The following KCNH7 variants were observed in gnomAD, a reference collection of about 807,000 sequenced individuals.
KCNH7 encodes the protein potassium voltage-gated channel subfamily H member 7.
A neutral mutation model predicts 120.8 loss-of-function variants in KCNH7; 49 were observed. The observed-to-expected ratio is 0.41, with a 90% confidence interval of 0.32 to 0.51. The LOEUF (loss-of-function observed/expected upper bound fraction) is 0.51. Ranked by LOEUF, KCNH7 falls within the 20% of genes least tolerant of loss-of-function variation. The pLI is 0.38. For missense variants in KCNH7, 1,097 were observed against 1,446.6 expected (o/e 0.76, Z 3.92); for synonymous variants, 547 against 516.1 (o/e 1.06, Z -0.81).
At chr2:162,448,813 C>T (rs1401470141) in intron 6 of KCNH7, among the ~76,000 whole-genome samples, 1 of 151,972 alleles carries the variant, frequency 6.6e-6, no homozygotes, top group African/African-American at 2.4e-5. Flanking sequence ...AAGACACTGT[C>T]CCTGAGATCT....
At chr2:162,663,996 A>G (rs1270606960) in intron 2 of KCNH7, among the ~76,000 whole-genome samples, 1 of 152,062 alleles carries the variant, frequency 6.6e-6, no homozygotes, top group East Asian at 1.9e-4. Context: ...TACCAACTCA[A>G]CTTTCTTTCC....
intron 2 of KCNH7, among the ~76,000 whole-genome samples, chr2:162,781,566 AAGT>A (rs1683487525): frequency 6.6e-6 from 1 of 152,160 alleles, no homozygotes. Flanking sequence ...AAAAAAATGA[AAGT>A]AGTAACAGGG....
chr2:162,401,156 C>T (rs977808141), intron 9 of KCNH7, among the ~76,000 whole-genome samples: 1 of 151,880 alleles, frequency 6.6e-6, no homozygotes, highest in African/African-American at 2.4e-5. Context: ...ACAACCTATT[C>T]AGGGCTAATT....
intron 2 of KCNH7, among the ~76,000 whole-genome samples, chr2:162,591,321 T>C (rs1694210124): frequency 6.6e-6 from 1 of 152,052 alleles, no homozygotes; most frequent in African/African-American, 2.4e-5. Context: ...TTCACATTTT[T>C]CTCCTCAGCG....
At chr2:162,607,369 G>A (rs1054640790) in intron 2 of KCNH7, among the ~76,000 whole-genome samples, 2 of 151,598 alleles carry the variant, frequency 1.3e-5, no homozygotes, top group African/African-American at 4.8e-5. Context: ...CAGCCTGGAC[G>A]ACAGGGTGAG....
At chr2:162,624,045 C>T (rs1266943483) in intron 2 of KCNH7, among the ~76,000 whole-genome samples, 1 of 152,126 alleles carries the variant, frequency 6.6e-6, no homozygotes, top group Non-Finnish European at 1.5e-5. Flanking sequence ...GTGAGTCATC[C>T]TTTTGTCCAG....
rs557030655 is a variant in KCNH7, at chr2:162,431,552, A to G, written c.1954+3646T>C. On this transcript the variant is annotated intron_variant, in intron 8 of 15. Transcript: ENST00000332142. ...TTCCTTATTTATGACATAATATGTC[A>G]TGGTGCAGTTCTCCAGGAGTACCTA... is the stretch of plus-strand genomic sequence containing the variant. Among the ~76,000 whole-genome samples, 26 of 152,058 alleles carry G rather than the reference A, an allele frequency of 1.7e-4. 1 individual carries two copies. In the East Asian group the frequency reaches 4.3e-3, roughly 25 times the overall value.
rs549614942 is a variant in KCNH7, at chr2:162,586,129, ATGCACAT to A, written c.308-49056_308-49050del. 1.1e-3 allele frequency among the ~76,000 whole-genome samples: 161 copies of A among 152,154 alleles called. 1 individual carries two copies. The highest frequency in any genetic ancestry group is 6.8e-3 in the Middle Eastern group (2 of 294). ...TGGCCATAAATTCTTCCATCTTTAT[ATGCACAT>A]TATAGGCCCATTTTCAATGTGACAT... On this transcript the variant is annotated intron_variant, in intron 2 of 15. Transcript: ENST00000332142.
chr2:162,460,436 A>G (rs966004196), intron 6 of KCNH7, among the ~76,000 whole-genome samples: 1 of 152,194 alleles, frequency 6.6e-6, no homozygotes, highest in Non-Finnish European at 1.5e-5. Flanking sequence ...AAGAAGGATG[A>G]TGACTTTTTA....
intron 2 of KCNH7, among the ~76,000 whole-genome samples, chr2:162,818,031 T>G (rs1425306102): frequency 6.6e-6 from 1 of 152,052 alleles, no homozygotes; most frequent in Admixed American, 6.5e-5. Flanking sequence ...GTTTTTATTT[T>G]CTTAATGGAA....
intron 2 of KCNH7, among the ~76,000 whole-genome samples, chr2:162,669,156 ATTATTTAGAT>A (rs1685249281): frequency 1.3e-5 from 2 of 152,286 alleles, no homozygotes; most frequent in South Asian, 4.1e-4. Context: ...AATTAAAGGG[ATTATTTAGAT>A]TTTTTTAGAT....
intron 13 of KCNH7, among the ~76,000 whole-genome samples, chr2:162,384,016 A>G (rs1333763563): frequency 6.6e-6 from 1 of 151,864 alleles, no homozygotes; most frequent in Non-Finnish European, 1.5e-5. Flanking sequence ...AGCCTCTGGT[A>G]TGCTAAAATA....
intron 2 of KCNH7, among the ~76,000 whole-genome samples, chr2:162,702,130 C>T (rs1000905264): frequency 6.6e-6 from 1 of 151,976 alleles, no homozygotes; most frequent in African/African-American, 2.4e-5. Flanking sequence ...TCAAAATATT[C>T]GGTCCTTTTA....
At chr2:162,709,551 T>C (rs1203833421) in intron 2 of KCNH7, among the ~76,000 whole-genome samples, 2 of 152,116 alleles carry the variant, frequency 1.3e-5, no homozygotes, top group Non-Finnish European at 2.9e-5. Context: ...CTATTTCTTA[T>C]CTATGTAGAA....
chr2:162,467,976 C>G (rs1295784009), intron 6 of KCNH7, among the ~76,000 whole-genome samples: 1 of 152,152 alleles, frequency 6.6e-6, no homozygotes, highest in Non-Finnish European at 1.5e-5. Context: ...CTAATTACCT[C>G]CCACAGGCTG....
At chr2:162,608,373 G>A (rs1419004585) in intron 2 of KCNH7, among the ~76,000 whole-genome samples, 1 of 152,170 alleles carries the variant, frequency 6.6e-6, no homozygotes, top group Non-Finnish European at 1.5e-5. Flanking sequence ...ACTCTGGGGT[G>A]TAACCTGGGC....
chr2:162,807,477 A>G (rs955219593), intron 2 of KCNH7, among the ~76,000 whole-genome samples: 6 of 151,744 alleles, frequency 4.0e-5, no homozygotes, highest in African/African-American at 1.2e-4. Context: ...AACTCTAAAA[A>G]TATTTACCTC....
intron 3 of KCNH7, among the ~76,000 whole-genome samples, chr2:162,519,729 A>C (rs1390340155): frequency 3.3e-5 from 5 of 151,830 alleles, no homozygotes; most frequent in Admixed American, 3.3e-4. Flanking sequence ...CTAGGTCCAC[A>C]TTATCCATGG....
chr2:162,644,177 A>G (rs558954429), intron 2 of KCNH7, among the ~76,000 whole-genome samples: 1 of 152,294 alleles, frequency 6.6e-6, no homozygotes, highest in Non-Finnish European at 1.5e-5. Flanking sequence ...ACTGCGCTGT[A>G]TCTGTGCTAT....
Sources: gnomAD v4.1 joint callset for allele counts (sites outside exome capture counted in the v4.1 genomes callset) on GRCh38, gnomAD v4.1.1 for gene constraint, MANE v1.5 for transcripts, NCBI Gene and HGNC (gene_info 2026-07-23, HGNC 2026-07-21) for gene names.